MECOM: variants seen among roughly 807,000 people sequenced by gnomAD.
The protein encoded by MECOM is histone-lysine N-methyltransferase MECOM.
MECOM carries 13 observed loss-of-function variants against 116.3 expected under a neutral mutation model. That is an observed-to-expected ratio of 0.11 (90% CI 0.07 to 0.18). MECOM has a LOEUF of 0.18. Ranked by LOEUF, MECOM falls within the 10% of genes least tolerant of loss-of-function variation. The pLI, the probability that MECOM is intolerant of heterozygous loss-of-function variation, is 1.00. For missense variants in MECOM, 1,299 were observed against 1,509.0 expected (o/e 0.86, Z 2.31); for synonymous variants, 528 against 535.2 (o/e 0.99, Z 0.19).
Position 169,663,388 on chromosome 3 carries a change from G to A in MECOM, c.-16C>T. 3 of 1,608,340 alleles carry A rather than the reference G, an allele frequency of 1.9e-6. No individual in the cohort carries two copies. Among genetic ancestry groups the A allele is most frequent in the South Asian group, 2.2e-5 (2 of 89,614 alleles). On this transcript the variant is annotated 5_prime_UTR_variant, in exon 1 of 17. Transcript: ENST00000651503. ...TGGATCTCATGCTGTGCCCAGTCCT[G>A]CAGCCGCTGGTGTGTGGTTGGGGCT...
At chr3:169,456,277 T>C (rs1204461085) in intron 1 of MECOM, among the ~76,000 whole-genome samples, 1 of 152,204 alleles carries the variant, frequency 6.6e-6, no homozygotes, top group African/African-American at 2.4e-5. Flanking sequence ...AGTCCACACC[T>C]GCTCCTTGCA....
chr3:169,213,240 T>C (rs1751006391), intron 2 of MECOM, among the ~76,000 whole-genome samples: 1 of 152,052 alleles, frequency 6.6e-6, no homozygotes, highest in Non-Finnish European at 1.5e-5. Flanking sequence ...GCTTGAAAAA[T>C]ATCTTTTGAA....
chr3:169,528,753 C>T (rs1758236601), intron 1 of MECOM, among the ~76,000 whole-genome samples: 1 of 152,168 alleles, frequency 6.6e-6, no homozygotes, highest in African/African-American at 2.4e-5. Context: ...TTTCAAAGAA[C>T]TGGTTTGCGT....
At chr3:169,392,103 C>T (rs1734301201) in intron 1 of MECOM, among the ~76,000 whole-genome samples, 1 of 152,170 alleles carries the variant, frequency 6.6e-6, no homozygotes, top group Non-Finnish European at 1.5e-5. Flanking sequence ...TGTACTTCTG[C>T]CTCACTAAAC....
At chr3:169,142,489 C>T (rs958739415) in intron 3 of MECOM, among the ~76,000 whole-genome samples, 8 of 151,770 alleles carry the variant, frequency 5.3e-5, no homozygotes, top group Admixed American at 2.6e-4. Context: ...ATATGATAGA[C>T]GGAATATTTT....
intron 1 of MECOM, among the ~76,000 whole-genome samples, chr3:169,575,151 G>A (rs752338406): frequency 6.6e-6 from 1 of 152,060 alleles, no homozygotes; most frequent in East Asian, 1.9e-4. Context: ...AAAACCTCTC[G>A]AATAGAACCT....
chr3:169,154,273 A>T (rs1406486230), intron 2 of MECOM, among the ~76,000 whole-genome samples: 1 of 152,156 alleles, frequency 6.6e-6, no homozygotes, highest in Non-Finnish European at 1.5e-5. Flanking sequence ...AATATTTGTT[A>T]CCAAGGCCAG....
intron 5 of MECOM, among the ~76,000 whole-genome samples, chr3:169,125,408 C>G (rs1426758819): frequency 6.6e-6 from 1 of 152,046 alleles, no homozygotes; most frequent in Non-Finnish European, 1.5e-5. Context: ...TGCTATATAT[C>G]AAATCATAAA....
At chr3:169,215,492 A>C (rs1020286988) in intron 2 of MECOM, among the ~76,000 whole-genome samples, 7 of 152,124 alleles carry the variant, frequency 4.6e-5, no homozygotes, top group Non-Finnish European at 8.8e-5. Flanking sequence ...CTTGGAACCC[A>C]TTCAACGATG....
At chr3:169,152,137 C>T (rs1741261190) in intron 2 of MECOM, among the ~76,000 whole-genome samples, 1 of 152,028 alleles carries the variant, frequency 6.6e-6, no homozygotes, top group East Asian at 1.9e-4. Context: ...TACAAATTTA[C>T]CAACAAAAAT....
At chr3:169,209,492 C>T (rs1481860753) in intron 2 of MECOM, among the ~76,000 whole-genome samples, 3 of 151,446 alleles carry the variant, frequency 2.0e-5, no homozygotes, top group African/African-American at 7.3e-5. Flanking sequence ...CTACAAGGAA[C>T]TTAAACAAAT....
intron 1 of MECOM, among the ~76,000 whole-genome samples, chr3:169,475,128 T>G (rs1043781919): frequency 6.6e-6 from 1 of 152,162 alleles, no homozygotes; most frequent in African/African-American, 2.4e-5. Context: ...TGGTAACAAA[T>G]GCACATACAA....
intron 12 of MECOM, among the ~76,000 whole-genome samples, chr3:169,098,145 CA>C (rs1722336687): frequency 6.6e-6 from 1 of 152,084 alleles, no homozygotes; most frequent in Admixed American, 6.6e-5. Context: ...TCTTACCTAA[CA>C]TTCATTAAAA....
chr3:169,543,731 A>G (rs2109247892), intron 1 of MECOM, among the ~76,000 whole-genome samples: 1 of 152,334 alleles, frequency 6.6e-6, no homozygotes, highest in Non-Finnish European at 1.5e-5. Flanking sequence ...TCTGTCTTAT[A>G]ATCTCCCTTA....
At chr3:169,107,075 T>C (rs1209501050) in intron 10 of MECOM, among the ~76,000 whole-genome samples, 1 of 152,154 alleles carries the variant, frequency 6.6e-6, no homozygotes. Flanking sequence ...GCTAAAATGC[T>C]TCAATTAAGT....
intron 2 of MECOM, among the ~76,000 whole-genome samples, chr3:169,319,325 C>G (rs1720395717): frequency 6.6e-6 from 1 of 151,526 alleles, no homozygotes; most frequent in African/African-American, 2.4e-5. Flanking sequence ...AACACAGGAA[C>G]AGAAAACCAA....
intron 2 of MECOM, among the ~76,000 whole-genome samples, chr3:169,158,363 A>G (rs1258036323): frequency 6.6e-6 from 1 of 152,202 alleles, no homozygotes; most frequent in Non-Finnish European, 1.5e-5. Context: ...TACACGTTCA[A>G]GACTTACAAC....
At chr3:169,358,696 CTACACGAAAAT>C (rs1202385684) in intron 2 of MECOM, among the ~76,000 whole-genome samples, 2 of 151,644 alleles carry the variant, frequency 1.3e-5, no homozygotes, top group Admixed American at 6.6e-5. Flanking sequence ...AATTTAGGGC[CTACACGAAAAT>C]TAACAGGTAC....
chr3:169,493,742 G>A (rs1340643046), intron 1 of MECOM, among the ~76,000 whole-genome samples: 1 of 152,094 alleles, frequency 6.6e-6, no homozygotes, highest in African/African-American at 2.4e-5. Flanking sequence ...AAATGAGAGA[G>A]CCTATTGAAG....
Sources: allele counts gnomAD v4.1 joint callset (sites outside exome capture counted in the v4.1 genomes callset), GRCh38; gene constraint gnomAD v4.1.1; transcripts MANE v1.5; gene names NCBI Gene and HGNC (gene_info 2026-07-23, HGNC 2026-07-21).